CYB5R4: variants seen among roughly 807,000 people sequenced by gnomAD.
The protein encoded by CYB5R4 is N-terminal cytochrome b5 and cytochrome b5 oxidoreductase domain-containing protein.
CYB5R4 carries 55 observed loss-of-function variants against 70.2 expected under a neutral mutation model. The ratio of observed to expected loss-of-function variants is 0.78; its 90% confidence interval spans 0.63 to 0.98. The LOEUF (loss-of-function observed/expected upper bound fraction) is 0.98. CYB5R4 is among the 50% of genes least tolerant of loss of function. The pLI, the probability that CYB5R4 is intolerant of heterozygous loss-of-function variation, is 0.00. For missense variants in CYB5R4, 562 were observed against 612.6 expected, an observed-to-expected ratio of 0.92 and a Z score of 0.87; for synonymous variants, 197 against 199.5, an observed-to-expected ratio of 0.99 and a Z score of 0.11.
intron 8 of CYB5R4, among the ~76,000 whole-genome samples, chr6:83,921,927 T>C (rs537809456): frequency 6.6e-6 from 1 of 152,360 alleles, no homozygotes; most frequent in African/African-American, 2.4e-5. Flanking sequence ...TTATTAACTG[T>C]TGTGTCCATA....
Position 83,964,103 on chromosome 6 carries a change from G to A in CYB5R4, c.*4225G>A, listed in dbSNP as rs1042368630. ...CTCAGGTACGTCTTTTATCAGCAGC[G>A]TGAAAATGGACTAATACAGTAAATT... is the stretch of plus-strand genomic sequence containing the variant. On this transcript the variant is annotated 3_prime_UTR_variant, in exon 16 of 16. Coordinates refer to ENST00000369681, the MANE Select transcript of CYB5R4 (RefSeq NM_016230.4). 20 of 173,850 alleles carry A rather than the reference G, an allele frequency of 1.2e-4. No homozygotes were observed. The highest frequency in any genetic ancestry group is 3.1e-4 in the African/African-American group (13 of 41,744). 10.8% of individuals were successfully genotyped at this position (173,850 alleles called of 1,614,324 possible).
chr6:83,870,816 C>T (rs1284766822), intron 2 of CYB5R4, among the ~76,000 whole-genome samples: 1 of 152,022 alleles, frequency 6.6e-6, no homozygotes, highest in Non-Finnish European at 1.5e-5. Context: ...CAAAGACACG[C>T]AGAGAGCAGT....
intron 3 of CYB5R4, among the ~76,000 whole-genome samples, chr6:83,903,426 G>A (rs185166665): frequency 6.6e-6 from 1 of 151,894 alleles, no homozygotes; most frequent in Non-Finnish European, 1.5e-5. Context: ...TTTGGCTAGT[G>A]TTTTCTTGAC....
intron 3 of CYB5R4, among the ~76,000 whole-genome samples, chr6:83,894,400 T>G (rs9449719): frequency 0.041 from 6,216 of 152,192 alleles, 438 homozygotes; most frequent in African/African-American, 0.14. Context: ...CTGAATCAGG[T>G]TGGGTTATAT....
At chr6:83,883,750 C>T (rs1191639207) in intron 2 of CYB5R4, among the ~76,000 whole-genome samples, 2 of 152,006 alleles carry the variant, frequency 1.3e-5, no homozygotes, top group Non-Finnish European at 2.9e-5. Context: ...TACTTTTTGT[C>T]CTCTTCATTT....
intron 3 of CYB5R4, among the ~76,000 whole-genome samples, chr6:83,902,481 C>T (rs2099463133): frequency 6.6e-6 from 1 of 152,004 alleles, no homozygotes; most frequent in African/African-American, 2.4e-5. Context: ...TCTTTTTGCT[C>T]AGGATTGCTT....
At chr6:83,931,745 A>C (rs2099468164) in intron 10 of CYB5R4, among the ~76,000 whole-genome samples, 2 of 151,530 alleles carry the variant, frequency 1.3e-5, no homozygotes, top group African/African-American at 4.8e-5. Context: ...GGCATTGTGC[A>C]GGCTGAAGTA....
At chr6:83,941,731 A>T (rs1411980967) in intron 14 of CYB5R4, among the ~76,000 whole-genome samples, 1 of 152,236 alleles carries the variant, frequency 6.6e-6, no homozygotes, top group African/African-American at 2.4e-5. Flanking sequence ...TTCTTTACAT[A>T]CTAAAAACAT....
In CYB5R4 at chr6:83,947,787, G is replaced by A. The variant is rs115743868; in HGVS notation, c.1346+7186G>A. ...ATTTATGCAGCCAACAAACATACTG[G>A]TCATTAGAGAAATGCAAGTCAAAAC... On this transcript the variant is annotated intron_variant, in intron 14 of 15. Transcript: ENST00000369681. Among the ~76,000 whole-genome samples, 471 of 151,422 alleles carry A rather than the reference G, an allele frequency of 3.1e-3. 3 individuals are homozygous for A. Among genetic ancestry groups the A allele is most frequent in the African/African-American group, 0.011 (445 of 41,412 alleles).
intron 10 of CYB5R4, among the ~76,000 whole-genome samples, chr6:83,925,166 C>G (rs1276794734): frequency 6.6e-6 from 1 of 152,052 alleles, no homozygotes; most frequent in Non-Finnish European, 1.5e-5. Context: ...AGGAAACTTA[C>G]AATCATAGCA....
At chr6:83,905,096 C>G (rs1443438257) in intron 3 of CYB5R4, among the ~76,000 whole-genome samples, 1 of 152,028 alleles carries the variant, frequency 6.6e-6, no homozygotes. Flanking sequence ...ACCCTGTTAC[C>G]CAGGCTGGAG....
At chr6:83,885,255 A>G (rs576047323) in intron 2 of CYB5R4, among the ~76,000 whole-genome samples, 118 of 152,288 alleles carry the variant, frequency 7.7e-4, no homozygotes, top group Non-Finnish European at 1.4e-3. Context: ...CTTATTTGTC[A>G]TGTAGTATCT....
chr6:83,896,815 C>A (rs529342203), intron 3 of CYB5R4, among the ~76,000 whole-genome samples: 31 of 151,952 alleles, frequency 2.0e-4, no homozygotes, highest in Non-Finnish European at 8.8e-5. Context: ...TATGGTAGTT[C>A]TATTAATATT....
At position 83,934,704 on chromosome 6, in the gene CYB5R4, G is replaced by A; in HGVS notation, c.924G>A (p.Gly308=). ...PPSTHLQVPI[G]QHVYLKLPIT... is the part of the protein sequence containing the mutation. ...GCACTCATCTTCAAGTGCCCATTGG[G>A]CAACATGTTTACCTCAAGCTACCTA... The change falls in exon 11 of 16, where the codon GGG becomes GGA. Residue 308 remains glycine, a synonymous_variant. Transcript: ENST00000369681. 6.2e-7 allele frequency: 1 copy of A among 1,613,452 alleles called. No homozygotes were observed. The highest frequency in any genetic ancestry group is 8.5e-7 in the Non-Finnish European group (1 of 1,179,704).
chr6:83,924,693 A>AG, intron 10 of CYB5R4, 101 bp downstream of exon 10: 1 of 1,270,344 alleles, frequency 7.9e-7, no homozygotes, highest in African/African-American at 1.5e-5. Flanking sequence ...AATGAGCTGA[A>AG]GGGTCCTTGT....
At chr6:83,938,307 A>C (rs1181104106) in intron 12 of CYB5R4, among the ~76,000 whole-genome samples, 1 of 152,186 alleles carries the variant, frequency 6.6e-6, no homozygotes, top group African/African-American at 2.4e-5. Context: ...AGCAGGGTGG[A>C]GAGTTGTCCT....
rs1364892574 is a variant in CYB5R4, at chr6:83,966,116, G to A, written c.*6238G>A. The A allele has an allele frequency of 6.6e-6, 1 of 152,098 alleles. No homozygotes were observed. The highest frequency in any genetic ancestry group is 6.6e-5 in the Admixed American group (1 of 15,264). 9.4% of individuals were successfully genotyped at this position (152,098 alleles called of 1,614,324 possible). A position where few individuals can be genotyped will look rare whatever the true frequency, so the allele number is the denominator to read the frequency against. ...ATAAAGTAATTAAGTGGCTGTTCAG[G>A]GGATACAGGAATAGGGGATAATAAC... is the stretch of plus-strand genomic sequence containing the variant. On this transcript the variant is annotated 3_prime_UTR_variant, in exon 16 of 16. Transcript: ENST00000369681.
chr6:83,893,208 A>G (rs2099461399), intron 2 of CYB5R4, among the ~76,000 whole-genome samples: 1 of 152,214 alleles, frequency 6.6e-6, no homozygotes, highest in Non-Finnish European at 1.5e-5. Context: ...CACTCTAGTG[A>G]ATTAGAGTTC....
At chr6:83,931,984 T>C (rs1371947008) in intron 10 of CYB5R4, among the ~76,000 whole-genome samples, 3 of 137,064 alleles carry the variant, frequency 2.2e-5, no homozygotes, top group Non-Finnish European at 4.6e-5. Flanking sequence ...TAGTGTGTGA[T>C]GTTCCCCTTC....
Sources: gnomAD v4.1 joint callset for allele counts (sites outside exome capture counted in the v4.1 genomes callset) on GRCh38, gnomAD v4.1.1 for gene constraint, MANE v1.5 for transcripts, NCBI Gene and HGNC (gene_info 2026-07-23, HGNC 2026-07-21) for gene names.